The following LPP variants were observed in gnomAD, a reference collection of about 807,000 sequenced individuals.
LPP encodes the protein lipoma-preferred partner.
Under a neutral mutation model 60.4 loss-of-function variants are expected in LPP, and 38 were observed. The observed-to-expected ratio is 0.63, with a 90% CI of 0.49 to 0.83. The LOEUF is 0.83. Among genes scored for constraint, LPP ranks in the 40% least tolerant of loss-of-function variants. The pLI is 0.00. For synonymous variants in LPP, 328 were observed against 290.8 expected, an observed-to-expected ratio of 1.13 and a Z score of -1.30; for missense variants, 902 against 783.6, an observed-to-expected ratio of 1.15 and a Z score of -1.80.
At chr3:188,607,300 A>T (rs1193036721) in intron 6 of LPP, among the ~76,000 whole-genome samples, 2 of 145,502 alleles carry the variant, frequency 1.4e-5, no homozygotes, top group East Asian at 4.1e-4. Flanking sequence ...TTTATTATGA[A>T]TTCCATTGTG....
chr3:188,534,418 C>G (rs1823020945), intron 6 of LPP, among the ~76,000 whole-genome samples: 1 of 152,210 alleles, frequency 6.6e-6, no homozygotes, highest in Non-Finnish European at 1.5e-5. Context: ...AGTCCTATGT[C>G]TATGCAGAAG....
chr3:188,496,387 A>G (rs1458278136), intron 5 of LPP, among the ~76,000 whole-genome samples: 1 of 152,180 alleles, frequency 6.6e-6, no homozygotes, highest in Non-Finnish European at 1.5e-5. Context: ...TCAGCCTCCC[A>G]AAGTGCTGGG....
At chr3:188,857,266 A>G (rs576409290) in intron 9 of LPP, among the ~76,000 whole-genome samples, 47 of 152,366 alleles carry the variant, frequency 3.1e-4, no homozygotes, top group African/African-American at 1.1e-3. Flanking sequence ...GGAAATCTGC[A>G]TGCTAAAGAT....
At chr3:188,570,518 T>C (rs1833293829) in intron 6 of LPP, among the ~76,000 whole-genome samples, 1 of 151,942 alleles carries the variant, frequency 6.6e-6, no homozygotes, top group South Asian at 2.1e-4. Flanking sequence ...TAAAGGACAA[T>C]TGGTCTCAGG....
At chr3:188,248,737 A>C (rs1002584576) in intron 2 of LPP, among the ~76,000 whole-genome samples, 2 of 152,046 alleles carry the variant, frequency 1.3e-5, no homozygotes, top group South Asian at 4.2e-4. Context: ...GGAAGGCAGC[A>C]CATGTGACCT....
chr3:188,420,713 C>G (rs1787563478), intron 4 of LPP, among the ~76,000 whole-genome samples: 1 of 152,112 alleles, frequency 6.6e-6, no homozygotes, highest in African/African-American at 2.4e-5. Flanking sequence ...GGTCACCAGT[C>G]TCTCAAGCCA....
chr3:188,522,707 G>T (rs1197328089), intron 5 of LPP, among the ~76,000 whole-genome samples: 2 of 150,366 alleles, frequency 1.3e-5, no homozygotes, highest in Non-Finnish European at 3.0e-5. Flanking sequence ...AACATGACGT[G>T]ATGTAGAGGG....
intron 7 of LPP, among the ~76,000 whole-genome samples, chr3:188,704,349 A>C (rs1309943774): frequency 6.6e-6 from 1 of 152,228 alleles, no homozygotes; most frequent in Non-Finnish European, 1.5e-5. Context: ...AATGTGGGTT[A>C]TCTCACTTTA....
chr3:188,602,183 T>TATAATATATATATAATATATATATATA (rs1458124083), intron 6 of LPP, among the ~76,000 whole-genome samples: 1 of 135,410 alleles, frequency 7.4e-6, no homozygotes, highest in African/African-American at 2.6e-5. Context: ...ATATTATATA[T>TATAATATATATATAATATATATATATA]ATATATGACA....
intron 8 of LPP, among the ~76,000 whole-genome samples, chr3:188,722,502 T>C (rs376012771): frequency 1.2e-4 from 19 of 152,332 alleles, no homozygotes; most frequent in Middle Eastern, 6.8e-3. Context: ...ATCTTTTCTG[T>C]GTGACGTTAG....
intron 2 of LPP, among the ~76,000 whole-genome samples, chr3:188,296,278 C>T (rs1366476750): frequency 6.6e-6 from 1 of 152,124 alleles, no homozygotes; most frequent in East Asian, 1.9e-4. Context: ...GTCTGTGTAA[C>T]TCCAGAGTGA....
At chr3:188,598,902 A>C (rs1272056090) in intron 6 of LPP, among the ~76,000 whole-genome samples, 2 of 152,112 alleles carry the variant, frequency 1.3e-5, no homozygotes, top group Non-Finnish European at 2.9e-5. Flanking sequence ...TTTCTTGCCT[A>C]ATTGGTTGAA....
At chr3:188,648,853 C>T (rs1431236312) in intron 7 of LPP, among the ~76,000 whole-genome samples, 1 of 152,074 alleles carries the variant, frequency 6.6e-6, no homozygotes, top group Non-Finnish European at 1.5e-5. Context: ...CAGCATGTTG[C>T]TAGGTTGTAT....
chr3:188,506,326 G>A (rs1408734882), intron 5 of LPP, among the ~76,000 whole-genome samples: 2 of 152,156 alleles, frequency 1.3e-5, no homozygotes, highest in East Asian at 3.8e-4. Context: ...ATAATGTAGA[G>A]TATCCAACAA....
At chr3:188,843,379 C>T (rs1760524854) in intron 9 of LPP, among the ~76,000 whole-genome samples, 1 of 152,164 alleles carries the variant, frequency 6.6e-6, no homozygotes, top group Admixed American at 6.5e-5. Context: ...TCTGCGCTGG[C>T]TTGGCAGTGT....
rs1466341311 is a variant in LPP at position 188,730,805 on chromosome 3, T to C, written c.1240+22412T>C. Reference sequence around the variant, plus strand: ...TGCATTTGTCTCTGAAGGTTCTTTCTAGGGGAGAATCCCCCTTGCTTTTTC... The same window carrying C: ...TGCATTTGTCTCTGAAGGTTCTTTCCAGGGGAGAATCCCCCTTGCTTTTTC... On this transcript the variant is annotated intron_variant, in intron 8 of 11. Transcript: ENST00000617246. Among the ~76,000 whole-genome samples, 10 of 152,236 alleles carry C rather than the reference T, an allele frequency of 6.6e-5. 1 individual carries two copies. The highest frequency in any genetic ancestry group is 4.6e-4 in the Admixed American group (7 of 15,288).
intron 8 of LPP, among the ~76,000 whole-genome samples, chr3:188,757,889 GTT>G (rs750488243): frequency 2.4e-4 from 19 of 78,716 alleles, no homozygotes; most frequent in Admixed American, 1.7e-3. Context: ...TGTTTTTTTG[GTT>G]TTTTTTTTTT....
chr3:188,658,072 A>G (rs1411991752), intron 7 of LPP, among the ~76,000 whole-genome samples: 2 of 125,268 alleles, frequency 1.6e-5, no homozygotes, highest in African/African-American at 6.0e-5. Flanking sequence ...ATGAGTAACC[A>G]GTGTTTTGTT....
chr3:188,457,991 G>T (rs892969997), intron 4 of LPP, among the ~76,000 whole-genome samples: 1 of 152,074 alleles, frequency 6.6e-6, no homozygotes, highest in Non-Finnish European at 1.5e-5. Flanking sequence ...AAGCATATTG[G>T]TATTAAACTA....
Sources: allele counts gnomAD v4.1 joint callset (sites outside exome capture counted in the v4.1 genomes callset), GRCh38; gene constraint gnomAD v4.1.1; transcripts MANE v1.5; gene names NCBI Gene and HGNC (gene_info 2026-07-23, HGNC 2026-07-21).